Variants in FRMD4A observed in about 807,000 individuals in gnomAD.
FRMD4A encodes the protein FERM domain-containing protein 4A.
In FRMD4A, 29 loss-of-function variants were observed where a neutral mutation model predicts 129.1. The ratio of observed to expected loss-of-function variants is 0.22; its 90% CI spans 0.17 to 0.31. The LOEUF (loss-of-function observed/expected upper bound fraction) is 0.31, where lower values mean the gene tolerates loss of function less well. FRMD4A is among the 10% of genes least tolerant of loss of function. The pLI is 1.00. For missense variants in FRMD4A, 1,272 were observed against 1,375.8 expected, an observed-to-expected ratio of 0.92 and a Z score of 1.19; for synonymous variants, 634 against 571.6, an observed-to-expected ratio of 1.11 and a Z score of -1.56.
At chr10:13,866,507 A>T (rs2094369665) in intron 2 of FRMD4A, among the ~76,000 whole-genome samples, 2 of 152,190 alleles carry the variant, frequency 1.3e-5, no homozygotes, top group Admixed American at 1.3e-4. Context: ...AAAAGTGAAG[A>T]CTCAAAGTCC....
intron 8 of FRMD4A, among the ~76,000 whole-genome samples, chr10:13,751,283 T>C (rs577129476): frequency 3.3e-4 from 50 of 152,282 alleles, no homozygotes; most frequent in African/African-American, 1.2e-3. Flanking sequence ...GTGAGTTCTC[T>C]AGCTCTGCTC....
intron 8 of FRMD4A, among the ~76,000 whole-genome samples, chr10:13,750,478 T>C (rs548083606): frequency 1.2e-4 from 18 of 152,236 alleles, no homozygotes; most frequent in African/African-American, 4.3e-4. Flanking sequence ...TGATGTGTGA[T>C]CATGTCAATC....
At chr10:14,042,298 C>T (rs1403662533) in intron 2 of FRMD4A, among the ~76,000 whole-genome samples, 1 of 152,192 alleles carries the variant, frequency 6.6e-6, no homozygotes, top group Non-Finnish European at 1.5e-5. Context: ...GTTACTTCCT[C>T]CTTCCTTTGT....
chr10:14,089,222 G>A (rs2131747790), intron 2 of FRMD4A, among the ~76,000 whole-genome samples: 1 of 152,296 alleles, frequency 6.6e-6, no homozygotes, highest in Admixed American at 6.5e-5. Context: ...TTTCCCACAG[G>A]CCCCTGGCGC....
intron 2 of FRMD4A, among the ~76,000 whole-genome samples, chr10:14,191,198 T>C (rs1224004173): frequency 1.3e-5 from 2 of 152,214 alleles, no homozygotes; most frequent in South Asian, 2.1e-4. Flanking sequence ...TTCTTATGTG[T>C]GTTATCCTCT....
intron 2 of FRMD4A, among the ~76,000 whole-genome samples, chr10:13,859,113 C>T (rs912079861): frequency 6.6e-6 from 1 of 152,200 alleles, no homozygotes; most frequent in African/African-American, 2.4e-5. Context: ...CGCGGTGGCT[C>T]ACGCCTGTAA....
chr10:14,267,567 T>C (rs945145519), intron 2 of FRMD4A, among the ~76,000 whole-genome samples: 1 of 152,222 alleles, frequency 6.6e-6, no homozygotes, highest in Admixed American at 6.5e-5. Flanking sequence ...TTTTTATATA[T>C]AGAATGGACT....
chr10:14,152,004 G>A (rs988172704), intron 2 of FRMD4A, among the ~76,000 whole-genome samples: 3 of 151,448 alleles, frequency 2.0e-5, no homozygotes, highest in Non-Finnish European at 4.4e-5. Context: ...GGGAGGGGAC[G>A]TCACACAGCA....
At chr10:13,946,271 T>G (rs909679423) in intron 2 of FRMD4A, among the ~76,000 whole-genome samples, 2 of 152,224 alleles carry the variant, frequency 1.3e-5, no homozygotes, top group African/African-American at 4.8e-5. Context: ...AGAATCTTTC[T>G]GATGCCCTGA....
At chr10:13,919,591 A>C (rs1301103440) in intron 2 of FRMD4A, among the ~76,000 whole-genome samples, 3 of 152,154 alleles carry the variant, frequency 2.0e-5, no homozygotes, top group Non-Finnish European at 4.4e-5. Flanking sequence ...TATAAATTAA[A>C]ATGTAGCAAT....
chr10:13,743,810 C>T (rs2091145968), intron 9 of FRMD4A, among the ~76,000 whole-genome samples: 1 of 152,144 alleles, frequency 6.6e-6, no homozygotes, highest in African/African-American at 2.4e-5. Context: ...GACCGAGAAC[C>T]TATTCTGCTC....
At chr10:14,017,683 T>A in intron 2 of FRMD4A, among the ~76,000 whole-genome samples, 1 of 152,188 alleles carries the variant, frequency 6.6e-6, no homozygotes, top group South Asian at 2.1e-4. Context: ...GGACAATGGC[T>A]TTCTTTAGGG....
At chr10:14,138,999 A>G (rs1001360457) in intron 2 of FRMD4A, among the ~76,000 whole-genome samples, 1 of 152,192 alleles carries the variant, frequency 6.6e-6, no homozygotes, top group African/African-American at 2.4e-5. Flanking sequence ...CCTCCAAGTG[A>G]TCCATCATGG....
chr10:14,147,374 G>A (rs1840126031), intron 2 of FRMD4A, among the ~76,000 whole-genome samples: 1 of 152,180 alleles, frequency 6.6e-6, no homozygotes, highest in African/African-American at 2.4e-5. Context: ...TCAGGGACTG[G>A]TTTTGTGGAA....
At chr10:13,900,656 G>A (rs954734417) in intron 2 of FRMD4A, among the ~76,000 whole-genome samples, 1 of 152,178 alleles carries the variant, frequency 6.6e-6, no homozygotes, top group South Asian at 2.1e-4. Context: ...CGGGACTTTG[G>A]GAGGTCGAGG....
intron 2 of FRMD4A, chr10:14,008,560 A>G (rs2095670585): frequency 3.1e-6 from 3 of 953,700 alleles, no homozygotes; most frequent in South Asian, 4.8e-5. Flanking sequence ...TGTCTAATCA[A>G]AGCTCTATCA....
chr10:13,856,588 T>C (rs184583884), intron 3 of FRMD4A, among the ~76,000 whole-genome samples: 9 of 152,078 alleles, frequency 5.9e-5, no homozygotes, highest in Non-Finnish European at 1.0e-4. Flanking sequence ...CAATTTGTGA[T>C]GTAAAGACCT....
At chr10:13,740,381 T>A (rs1277916970) in intron 10 of FRMD4A, 130 bp from the exon 11 acceptor site, 1 of 893,630 alleles carries the variant, frequency 1.1e-6, no homozygotes, top group Non-Finnish European at 1.8e-6. Flanking sequence ...ATTATTTACT[T>A]GAAAATTAAA....
intron 2 of FRMD4A, among the ~76,000 whole-genome samples, chr10:14,101,636 T>A (rs1013775364): frequency 6.6e-6 from 1 of 152,210 alleles, no homozygotes; most frequent in Non-Finnish European, 1.5e-5. Context: ...CACGTTCTAC[T>A]TATGTCATAC....
Sources: gnomAD v4.1 joint callset for allele counts (sites outside exome capture counted in the v4.1 genomes callset) on GRCh38, gnomAD v4.1.1 for gene constraint, MANE v1.5 for transcripts, NCBI Gene and HGNC (gene_info 2026-07-23, HGNC 2026-07-21) for gene names.